ELAPOR2: variants seen among roughly 807,000 people sequenced by gnomAD.
ELAPOR2 encodes the protein endosome/lysosome-associated apoptosis and autophagy regulator family member 2.
ELAPOR2 carries 89 observed loss-of-function variants against 120.7 expected under a neutral mutation model. The ratio of observed to expected loss-of-function variants is 0.74; its 90% CI spans 0.62 to 0.88. ELAPOR2 has a LOEUF of 0.88. ELAPOR2 is among the 40% of genes least tolerant of loss of function. ELAPOR2 has a pLI of 0.00. For missense variants in ELAPOR2, 1,134 were observed against 1,251.6 expected, an observed-to-expected ratio of 0.91 and a Z score of 1.42; for synonymous variants, 444 against 444.9, an observed-to-expected ratio of 1.00 and a Z score of 0.03.
rs4728668 is a variant in ELAPOR2 at position 87,049,318 on chromosome 7, G to T, written c.189+10007C>A. Among the ~76,000 whole-genome samples, 668 of 151,816 alleles carry T rather than the reference G, an allele frequency of 4.4e-3. 20 individuals are homozygous for T. Among genetic ancestry groups the T allele is most frequent in the Admixed American group, 0.037 (569 of 15,258 alleles). On this transcript the variant is annotated intron_variant, in intron 1 of 21. Transcript: ENST00000450689. ...TTTTTTTGAGACCGAGCCTCGCTCTGTCGCCCAGGCTGGAGTGCAGTGTCC... is the reference window on the plus strand; with the variant it reads ...TTTTTTTGAGACCGAGCCTCGCTCTTTCGCCCAGGCTGGAGTGCAGTGTCC...
intron 1 of ELAPOR2, among the ~76,000 whole-genome samples, chr7:87,020,304 T>C (rs1265108261): frequency 6.6e-6 from 1 of 152,134 alleles, no homozygotes; most frequent in Non-Finnish European, 1.5e-5. Flanking sequence ...CAGAAGAAAC[T>C]ATTATTAATA....
chr7:86,912,209 G>A lies in ELAPOR2; in HGVS notation c.2032C>T (p.His678Tyr). 1 of 1,606,340 alleles carries A rather than the reference G, an allele frequency of 6.2e-7. No homozygotes were observed. The highest frequency in any genetic ancestry group is 1.1e-5 in the South Asian group (1 of 90,664). Residue 678 changes from histidine to tyrosine, a missense_variant, in exon 15 of 22, where the codon CAT (histidine) becomes TAT (tyrosine). This residue lies in a region of ELAPOR2 where 831 missense variants were observed against 867.6 expected (regional missense o/e 0.96). Transcript: ENST00000450689. ...SVCYSDCFFYHEKENQSLHYD... is the reference protein window; with the variant it reads ...SVCYSDCFFYYEKENQSLHYD... ...TGCAAACTCTGATTTTCTTTTTCAT[G>A]GTAGAAAAAGCAGTCACTATAGCAA...
chr7:86,887,703 T>C (rs1471486556), intron 21 of ELAPOR2, among the ~76,000 whole-genome samples: 2 of 152,094 alleles, frequency 1.3e-5, no homozygotes, highest in African/African-American at 2.4e-5. Context: ...CTATTGAGCA[T>C]TGTAAGACCT....
chr7:86,899,893 A>C (rs1788635035), intron 18 of ELAPOR2, among the ~76,000 whole-genome samples: 1 of 152,080 alleles, frequency 6.6e-6, no homozygotes, highest in African/African-American at 2.4e-5. Flanking sequence ...GACTGAAACA[A>C]AGATAGGTGG....
chr7:86,899,047 C>T (rs1788585712), intron 18 of ELAPOR2, among the ~76,000 whole-genome samples: 1 of 152,118 alleles, frequency 6.6e-6, no homozygotes, highest in Non-Finnish European at 1.5e-5. Context: ...TGGTTACCTT[C>T]ACTACTCTGA....
chr7:87,045,773 T>TA (rs890854968), intron 1 of ELAPOR2, among the ~76,000 whole-genome samples: 6 of 150,570 alleles, frequency 4.0e-5, no homozygotes, highest in African/African-American at 1.5e-4. Context: ...AATAAATAAA[T>TA]AAAAAATATA....
rs1372713767 is a variant in ELAPOR2, at chr7:86,980,473, A to G, written c.190-15449T>C. On this transcript the variant is annotated intron_variant, in intron 1 of 21. Transcript: ENST00000450689. ...CCCGCTTTCTGCAGTCTTTACGGAC[A>G]CCTTCCCTAGTCAGTTCACCTTCCC... Among the ~76,000 whole-genome samples, 5 of 152,312 alleles carry G rather than the reference A, an allele frequency of 3.3e-5. No homozygotes were observed. In the East Asian group the frequency reaches 9.6e-4, roughly 29 times the overall value.
At chr7:86,929,834 T>G (rs2519710) in intron 8 of ELAPOR2, among the ~76,000 whole-genome samples, 1 of 151,724 alleles carries the variant, frequency 6.6e-6, no homozygotes, top group Non-Finnish European at 1.5e-5. Context: ...TGAGTTCTCA[T>G]GAGATCTGGT....
At chr7:86,973,691 C>T (rs1408916462) in intron 1 of ELAPOR2, among the ~76,000 whole-genome samples, 1 of 152,130 alleles carries the variant, frequency 6.6e-6, no homozygotes, top group African/African-American at 2.4e-5. Context: ...GACCTGGAAG[C>T]AATCTTGGAT....
chr7:86,926,636 C>A lies in ELAPOR2; in HGVS notation c.1270+100G>T, dbSNP rs185791965. 2.5e-3 allele frequency: 3,045 copies of A among 1,208,924 alleles called. 3 individuals are homozygous for A. The highest frequency in any genetic ancestry group is 3.1e-3 in the Non-Finnish European group (2,736 of 878,160). 74.9% of individuals were successfully genotyped at this position (1,208,924 alleles called of 1,614,324 possible). A position where few individuals can be genotyped will look rare whatever the true frequency, so the allele number is the denominator to read the frequency against. On this transcript the variant is annotated intron_variant, in intron 9 of 21. Transcript: ENST00000450689. Reference sequence around the variant, plus strand: ...TTGTCTACTAAAACTAAAAGAAATTCTGTAACCACTTTCCATAAAAACAAT... The same window carrying A: ...TTGTCTACTAAAACTAAAAGAAATTATGTAACCACTTTCCATAAAAACAAT...
chr7:87,013,947 T>C (rs2116676185), intron 1 of ELAPOR2, among the ~76,000 whole-genome samples: 1 of 152,054 alleles, frequency 6.6e-6, no homozygotes, highest in South Asian at 2.1e-4. Context: ...GACCAACAGG[T>C]GATGCTCTGC....
At chr7:86,934,517 T>A (rs1056069573) in intron 8 of ELAPOR2, among the ~76,000 whole-genome samples, 1 of 151,948 alleles carries the variant, frequency 6.6e-6, no homozygotes, top group African/African-American at 2.4e-5. Context: ...GTATCAGCCT[T>A]CTTAACCACT....
chr7:87,002,846 C>T (rs536436145), intron 1 of ELAPOR2, among the ~76,000 whole-genome samples: 49 of 152,254 alleles, frequency 3.2e-4, no homozygotes, highest in Admixed American at 2.9e-3. Context: ...TGGGACACTT[C>T]TGTGAGTTGC....
chr7:86,950,772 C>T lies in ELAPOR2; in HGVS notation c.311-2850G>A, dbSNP rs74620416. ...AGCCTGGCAGGCCAAGGAGGCAGAA[C>T]AAGCCTGGTGGGCCTGAGCAAAACT... On this transcript the variant is annotated intron_variant, in intron 2 of 21. Coordinates refer to ENST00000450689, the MANE Select transcript of ELAPOR2 (RefSeq NM_001142749.3). 2.3e-3 allele frequency among the ~76,000 whole-genome samples: 343 copies of T among 152,338 alleles called. 10 individuals are homozygous for T. The East Asian group carries it at 0.057, about 25-fold the overall frequency.
chr7:86,937,752 T>C (rs1790627603), intron 8 of ELAPOR2, among the ~76,000 whole-genome samples: 1 of 152,088 alleles, frequency 6.6e-6, no homozygotes, highest in South Asian at 2.1e-4. Context: ...TGTTATTACT[T>C]CTGGAAAAAA....
chr7:87,052,999 T>C (rs1237068832), intron 1 of ELAPOR2, among the ~76,000 whole-genome samples: 1 of 152,114 alleles, frequency 6.6e-6, no homozygotes, highest in Non-Finnish European at 1.5e-5. Flanking sequence ...GGTCTTGCTA[T>C]GTTGCCCAGG....
intron 1 of ELAPOR2, among the ~76,000 whole-genome samples, chr7:87,032,468 T>C (rs527939173): frequency 1.1e-4 from 16 of 152,314 alleles, no homozygotes; most frequent in Admixed American, 8.5e-4. Flanking sequence ...ATTTTTATTC[T>C]GAATTTTCTT....
At chr7:87,027,076 C>T (rs1174680876) in intron 1 of ELAPOR2, among the ~76,000 whole-genome samples, 1 of 152,000 alleles carries the variant, frequency 6.6e-6, no homozygotes, top group Non-Finnish European at 1.5e-5. Context: ...AGATGTTGGC[C>T]TTTATTTAGA....
chr7:87,022,413 T>C (rs1794078700), intron 1 of ELAPOR2, among the ~76,000 whole-genome samples: 1 of 152,012 alleles, frequency 6.6e-6, no homozygotes, highest in African/African-American at 2.4e-5. Context: ...CATGAACTCA[T>C]CATTTTTTAT....
Sources: allele counts gnomAD v4.1 joint callset (sites outside exome capture counted in the v4.1 genomes callset), GRCh38; gene constraint gnomAD v4.1.1; regional missense constraint gnomAD v4.1.1; transcripts MANE v1.5; gene names NCBI Gene and HGNC (gene_info 2026-07-23, HGNC 2026-07-21).